The following ASIC2 variants were observed in gnomAD, a reference collection of about 807,000 sequenced individuals.
ASIC2 encodes acid sensing ion channel subunit 2.
In ASIC2, 25 loss-of-function variants were observed where a neutral mutation model predicts 57.3. The ratio of observed to expected loss-of-function variants is 0.44; its 90% CI spans 0.32 to 0.61. ASIC2 has a LOEUF of 0.61. Among genes scored for constraint, ASIC2 ranks in the 20% least tolerant of loss-of-function variants. ASIC2 has a pLI of 0.06. For synonymous variants in ASIC2, 319 were observed against 307.5 expected (o/e 1.04, Z -0.39); for missense variants, 641 against 738.1 (o/e 0.87, Z 1.52).
At chr17:33,904,130 TC>T (rs1915292770) in intron 1 of ASIC2, among the ~76,000 whole-genome samples, 1 of 114,148 alleles carries the variant, frequency 8.8e-6, no homozygotes. Context: ...GCCATTGTAC[TC>T]CAGCCTGGGC....
intron 3 of ASIC2, among the ~76,000 whole-genome samples, chr17:33,080,107 GC>G (rs2092107228): frequency 6.6e-6 from 1 of 152,110 alleles, no homozygotes; most frequent in South Asian, 2.1e-4. Context: ...GGGAAAGGAT[GC>G]TGTAACCTGG....
intron 1 of ASIC2, among the ~76,000 whole-genome samples, chr17:33,413,168 A>G (rs1910724072): frequency 6.6e-6 from 1 of 152,110 alleles, no homozygotes; most frequent in African/African-American, 2.4e-5. Flanking sequence ...GTGAAGTGTG[A>G]CACAGCCCCC....
intron 1 of ASIC2, among the ~76,000 whole-genome samples, chr17:33,402,973 G>A (rs993274499): frequency 6.6e-6 from 1 of 152,226 alleles, no homozygotes; most frequent in Non-Finnish European, 1.5e-5. Flanking sequence ...AGATGCTGCT[G>A]AGATTGTGGA....
chr17:33,336,096 T>C (rs1907504156), intron 1 of ASIC2, among the ~76,000 whole-genome samples: 2 of 152,084 alleles, frequency 1.3e-5, no homozygotes, highest in Admixed American at 1.3e-4. Flanking sequence ...GTCTGCCTCC[T>C]GGGTCTGCCT....
chr17:34,114,138 A>G (rs959713874), intron 1 of ASIC2, among the ~76,000 whole-genome samples: 1 of 152,196 alleles, frequency 6.6e-6, no homozygotes, highest in Non-Finnish European at 1.5e-5. Flanking sequence ...TATTCCCTGA[A>G]GCAGATGCTC....
chr17:33,880,536 A>G (rs939075736), intron 1 of ASIC2, among the ~76,000 whole-genome samples: 1 of 152,114 alleles, frequency 6.6e-6, no homozygotes, highest in Non-Finnish European at 1.5e-5. Context: ...CAACACATAC[A>G]CCCTCCCAAG....
At chr17:33,690,247 A>G (rs1321237495) in intron 1 of ASIC2, among the ~76,000 whole-genome samples, 2 of 152,200 alleles carry the variant, frequency 1.3e-5, no homozygotes, top group African/African-American at 4.8e-5. Context: ...AAACAATAAC[A>G]ATTATTTGTT....
chr17:34,114,629 C>A (rs922359236), intron 1 of ASIC2, among the ~76,000 whole-genome samples: 2 of 152,174 alleles, frequency 1.3e-5, no homozygotes, highest in Admixed American at 1.3e-4. Flanking sequence ...TGCCCAATAC[C>A]TGGTACCTAG....
At chr17:33,450,537 A>C (rs1472720727) in intron 1 of ASIC2, among the ~76,000 whole-genome samples, 2 of 152,238 alleles carry the variant, frequency 1.3e-5, no homozygotes, top group Non-Finnish European at 2.9e-5. Flanking sequence ...AAAGAGGTGC[A>C]CAGAAAGATG....
chr17:33,382,901 C>A (rs1909539550), intron 1 of ASIC2, among the ~76,000 whole-genome samples: 1 of 152,162 alleles, frequency 6.6e-6, no homozygotes, highest in Non-Finnish European at 1.5e-5. Context: ...TACTGTTTCC[C>A]AGACTTGCCA....
intron 1 of ASIC2, among the ~76,000 whole-genome samples, chr17:33,314,579 T>G (rs1018817884): frequency 6.6e-6 from 1 of 152,202 alleles, no homozygotes; most frequent in African/African-American, 2.4e-5. Flanking sequence ...AGTAGGGGTT[T>G]ATTATATAAC....
intron 1 of ASIC2, among the ~76,000 whole-genome samples, chr17:33,584,962 CAGAG>C (rs1417851794): frequency 7.9e-5 from 12 of 152,050 alleles, no homozygotes; most frequent in African/African-American, 2.4e-4. Flanking sequence ...AAGGAGCAGA[CAGAG>C]AGAGGAGGGA....
chr17:33,672,450 T>TA (rs979851521), intron 1 of ASIC2, among the ~76,000 whole-genome samples: 11 of 151,072 alleles, frequency 7.3e-5, no homozygotes, highest in Non-Finnish European at 1.0e-4. Context: ...AGTCTTCACT[T>TA]AAAAAAAAAT....
Position 33,253,152 on chromosome 17 carries a change from A to T in ASIC2, c.708+38256T>A, listed in dbSNP as rs113118344. 1.2e-3 allele frequency among the ~76,000 whole-genome samples: 182 copies of T among 152,368 alleles called. 1 individual carries two copies. Among genetic ancestry groups the T allele is most frequent in the African/African-American group, 3.9e-3 (163 of 41,586 alleles). On this transcript the variant is annotated intron_variant, in intron 1 of 9. Transcript: ENST00000225823. ...AGTCCCACTTTGTAGATGAAGAAAC[A>T]GAGAAGGTATACAACTTCCCAAGAT... is the stretch of plus-strand genomic sequence containing the variant.
chr17:33,540,587 C>A (rs201873323), intron 1 of ASIC2, among the ~76,000 whole-genome samples: 1 of 152,138 alleles, frequency 6.6e-6, no homozygotes, highest in East Asian at 1.9e-4. Flanking sequence ...AAGGAGTGAC[C>A]CATTTTCGCT....
At position 34,095,726 on chromosome 17, in the gene ASIC2, G is replaced by GAT. The variant is rs536224608; in HGVS notation, c.555+60250_555+60251dup. On this transcript the variant is annotated intron_variant, in intron 1 of 9. Coordinates refer to the ASIC2 transcript ENST00000359872. ...AGATATATAATTTTATATATAGAGA[G>GAT]ATATATATATAATTTTATATATATA... is the stretch of plus-strand genomic sequence containing the variant. Among the ~76,000 whole-genome samples the GAT allele has an allele frequency of 1.9e-3, 264 of 140,732 alleles. 5 individuals carry two copies. Among genetic ancestry groups the GAT allele is most frequent in the Admixed American group, 0.016 (217 of 13,854 alleles). 92.3% of individuals were successfully genotyped at this position (140,732 alleles called of 152,430 possible).
At chr17:33,716,820 T>C (rs568554302) in intron 1 of ASIC2, among the ~76,000 whole-genome samples, 1 of 152,374 alleles carries the variant, frequency 6.6e-6, no homozygotes, top group South Asian at 2.1e-4. Context: ...AAGCTATCTG[T>C]CTATCTTTCC....
At chr17:33,478,935 CAAGAT>C (rs1439413033) in intron 1 of ASIC2, among the ~76,000 whole-genome samples, 1 of 152,218 alleles carries the variant, frequency 6.6e-6, no homozygotes, top group Non-Finnish European at 1.5e-5. Flanking sequence ...GGTTGCATGT[CAAGAT>C]AATACTGTTA....
intron 1 of ASIC2, among the ~76,000 whole-genome samples, chr17:33,214,234 G>T (rs1255977545): frequency 1.5e-5 from 2 of 134,586 alleles, no homozygotes; most frequent in South Asian, 5.0e-4. Flanking sequence ...ATGATATGGG[G>T]TCAGGTGCTA....
Sources: gnomAD v4.1 joint callset for allele counts (sites outside exome capture counted in the v4.1 genomes callset) on GRCh38, gnomAD v4.1.1 for gene constraint, MANE v1.5 for transcripts, NCBI Gene and HGNC (gene_info 2026-07-23, HGNC 2026-07-21) for gene names.